Variants in MTCL1 observed in about 807,000 individuals in gnomAD.
MTCL1 encodes microtubule cross-linking factor 1.
In MTCL1, 79 loss-of-function variants were observed where a neutral mutation model predicts 141.4. That is an observed-to-expected ratio of 0.56 (90% confidence interval 0.47 to 0.67). MTCL1 has a LOEUF of 0.67. Among genes scored for constraint, MTCL1 ranks in the 30% least tolerant of loss-of-function variants. The pLI is 0.00. For synonymous variants in MTCL1, 914 were observed against 875.8 expected (o/e 1.04, Z -0.77); for missense variants, 2,177 against 2,113.9 (o/e 1.03, Z -0.59).
intron 15 of MTCL1, among the ~76,000 whole-genome samples, chr18:8,826,869 TACTC>T (rs1345094548): frequency 1.3e-5 from 2 of 152,252 alleles, no homozygotes; most frequent in African/African-American, 4.8e-5. Flanking sequence ...CCCTTGATAT[TACTC>T]ACAAATCAAT....
chr18:8,781,630 A>G (rs945608659), intron 5 of MTCL1, among the ~76,000 whole-genome samples: 3 of 152,254 alleles, frequency 2.0e-5, no homozygotes, highest in Non-Finnish European at 2.9e-5. Context: ...ACCAGTTTAT[A>G]TATAATAAAT....
chr18:8,798,132 G>A (rs907092444), exon 10 of MTCL1: 3 of 1,592,732 alleles, frequency 1.9e-6, no homozygotes, highest in African/African-American at 2.7e-5. Context: ...GGCTCGGGGA[G>A]CTTGGAGTCC....
Position 8,807,799 on chromosome 18 carries a change from G to A in MTCL1, c.2604+739G>A, listed in dbSNP as rs1012140972. On this transcript the variant is annotated intron_variant, in intron 11 of 16. Coordinates refer to ENST00000359865, the Ensembl canonical transcript of MTCL1. Reference sequence around the variant, plus strand: ...GTATCTGCTGCTGAGAGCGTCTCTCGAGGTTTCTTCCAGCCCCTTGATCAT... The same window carrying A: ...GTATCTGCTGCTGAGAGCGTCTCTCAAGGTTTCTTCCAGCCCCTTGATCAT... Among the ~76,000 whole-genome samples the A allele has an allele frequency of 3.3e-5, 5 of 152,232 alleles. 1 individual carries two copies. In the South Asian group the frequency reaches 6.2e-4, roughly 19 times the overall value.
rs1318433899 is a variant in MTCL1, at chr18:8,705,689, G to A, written c.29G>A (p.Gly10Glu). 4 of 1,200,744 alleles carry A rather than the reference G, an allele frequency of 3.3e-6. No homozygotes were observed. The highest frequency in any genetic ancestry group is 8.2e-5 in the South Asian group (2 of 24,280). The allele number at this position is 1,200,744 out of a possible 1,614,324, so 74.4% of individuals were successfully genotyped here. ...GAGACACTGAACGGCCCCGCGGGCG[G>A]AGGTGCCCCGGACGCGAAGCTGCAG... Residue 10 changes from glycine (G) to glutamate (E), a missense_variant, in exon 1 of 14, where the codon GGA (glycine) becomes GAA (glutamate). Physicochemically the swap from Gly to Glu is moderately conservative, Grantham distance 98 (BLOSUM62 -2). Transcript: ENST00000306329. The surrounding 1 kb of genome is among the most constrained non-coding windows in gnomAD (Gnocchi z 5.2).
In MTCL1 at chr18:8,728,985, C is replaced by T. The variant is rs1343701660; in HGVS notation, c.357+8489C>T. On this transcript the variant is annotated intron_variant, in intron 4 of 16. Coordinates refer to ENST00000359865, the Ensembl canonical transcript of MTCL1. ...TCCTGACCTCAGGTGATCCACCCACCTCAGCCTCCCAAAGTGCTGGGATTA... is the reference window on the plus strand; with the variant it reads ...TCCTGACCTCAGGTGATCCACCCACTTCAGCCTCCCAAAGTGCTGGGATTA... Among the ~76,000 whole-genome samples, 3 of 151,994 alleles carry T rather than the reference C, an allele frequency of 2.0e-5. No homozygotes were observed. In the East Asian group the frequency reaches 5.8e-4, roughly 29 times the overall value.
intron 4 of MTCL1, among the ~76,000 whole-genome samples, chr18:8,758,806 T>C (rs2096415558): frequency 6.6e-6 from 1 of 152,190 alleles, no homozygotes; most frequent in African/African-American, 2.4e-5. Flanking sequence ...AACAAAACTA[T>C]TGTTGCAAAT....
At chr18:8,729,147 C>T (rs1042674936) in intron 4 of MTCL1, among the ~76,000 whole-genome samples, 1 of 152,036 alleles carries the variant, frequency 6.6e-6, no homozygotes. Context: ...TGGGCTCAAG[C>T]AGTCCTCTCG....
intron 4 of MTCL1, among the ~76,000 whole-genome samples, chr18:8,732,306 C>A (rs1291550186): frequency 6.6e-6 from 1 of 151,818 alleles, no homozygotes; most frequent in Non-Finnish European, 1.5e-5. Context: ...GAGACTGGGT[C>A]TCATCATGTT....
Position 8,828,939 on chromosome 18 carries a change from G to A in MTCL1, c.4754G>A (p.Gly1585Glu), listed in dbSNP as rs767873242. ...ACTGTCTTGCTAACTGCCCCCTGGG[G>A]ACTCTAGCCCTGCCCGCCTCACGCT... Residue 1585 changes from glycine to glutamate, a missense_variant, in exon 16 of 17, where the codon GGA becomes GAA. Gly to Glu is a moderately conservative substitution (Grantham distance 98, BLOSUM62 -2). Coordinates refer to ENST00000359865, the Ensembl canonical transcript of MTCL1. This position sits in a 1 kb window ranked among gnomAD's most constrained non-coding sequence, Gnocchi z 5.2. 1 of 1,614,202 alleles carries A rather than the reference G, an allele frequency of 6.2e-7. No individual in the cohort carries two copies. Among genetic ancestry groups the A allele is most frequent in the Admixed American group, 1.7e-5 (1 of 60,032 alleles).
chr18:8,738,224 G>A (rs941019862), intron 4 of MTCL1, among the ~76,000 whole-genome samples: 1 of 152,108 alleles, frequency 6.6e-6, no homozygotes, highest in African/African-American at 2.4e-5. Flanking sequence ...AAAAATAATT[G>A]TATGCATTAA....
chr18:8,709,283 C>T (rs949801238), intron 1 of MTCL1, among the ~76,000 whole-genome samples: 15 of 152,118 alleles, frequency 9.9e-5, no homozygotes, highest in Admixed American at 3.9e-4. Flanking sequence ...ACCTTGAACC[C>T]GTGGGCTCAA....
intron 9 of MTCL1, among the ~76,000 whole-genome samples, chr18:8,796,879 CT>C (rs1200517799): frequency 1.3e-5 from 2 of 152,264 alleles, no homozygotes; most frequent in Admixed American, 6.5e-5. Flanking sequence ...TCTACTCTTT[CT>C]TTTTTTATTT....
chr18:8,809,738 T>A (rs2076419209), intron 11 of MTCL1: 1 of 937,672 alleles, frequency 1.1e-6, no homozygotes, highest in African/African-American at 1.7e-5. Flanking sequence ...GCCTGGGCGA[T>A]GGGCCATCAC....
chr18:8,817,252 CTTTT>C (rs35022661), intron 12 of MTCL1, among the ~76,000 whole-genome samples: 4 of 118,258 alleles, frequency 3.4e-5, no homozygotes, highest in African/African-American at 9.6e-5. Flanking sequence ...AAAGCCTTCC[CTTTT>C]TTTTTTTTTT....
intron 4 of MTCL1, among the ~76,000 whole-genome samples, chr18:8,738,091 C>T (rs903539625): frequency 6.6e-6 from 1 of 152,206 alleles, no homozygotes; most frequent in Non-Finnish European, 1.5e-5. Context: ...CCTGGTCTCA[C>T]ATTTCCAAAC....
chr18:8,706,813 T>C, intron 1 of MTCL1, 100 bp downstream of exon 1: 2 of 1,489,000 alleles, frequency 1.3e-6, no homozygotes, highest in Non-Finnish European at 1.8e-6. Flanking sequence ...GTCCAGCGCC[T>C]TCTCCCTCCT....
intron 4 of MTCL1, among the ~76,000 whole-genome samples, chr18:8,765,735 TAGA>T (rs2096456814): frequency 6.6e-6 from 1 of 152,150 alleles, no homozygotes; most frequent in African/African-American, 2.4e-5. Context: ...ACCGAAGCAT[TAGA>T]AGGACCCGGG....
Position 8,796,127 on chromosome 18 carries a change from G to A in MTCL1, c.2011-105G>A. On this transcript the variant is annotated intron_variant, in intron 8 of 16. Coordinates refer to ENST00000359865, the Ensembl canonical transcript of MTCL1. ...GACTCCTGTGTTTCACGTCTCATAT[G>A]CAGCATGACAGAGACTGAGTGGCAG... is the stretch of plus-strand genomic sequence containing the variant. 4.6e-6 allele frequency: 5 copies of A among 1,098,702 alleles called. No individual in the cohort carries two copies. In the South Asian group the frequency reaches 6.9e-5, roughly 15 times the overall value. The allele number at this position is 1,098,702 out of a possible 1,614,324, so 68.1% of individuals were successfully genotyped here.
intron 4 of MTCL1, among the ~76,000 whole-genome samples, chr18:8,728,481 C>T (rs1415136675): frequency 6.6e-6 from 1 of 152,068 alleles, no homozygotes; most frequent in African/African-American, 2.4e-5. Context: ...CCTGATGACT[C>T]TTATACTTTT....
Sources: gnomAD v4.1 joint callset for allele counts (sites outside exome capture counted in the v4.1 genomes callset) on GRCh38, gnomAD v4.1.1 for gene constraint, Gnocchi (gnomAD v3.1) non-coding constraint, MANE v1.5 for transcripts, NCBI Gene and HGNC (gene_info 2026-07-23, HGNC 2026-07-21) for gene names.